Variants in RIMS1 observed in about 807,000 individuals in gnomAD.
RIMS1 encodes regulating synaptic membrane exocytosis protein 1.
A neutral mutation model predicts 214.1 loss-of-function variants in RIMS1; 83 were observed. That is an observed-to-expected ratio of 0.39 (90% CI 0.32 to 0.47). RIMS1 has a LOEUF of 0.47. Among genes scored for constraint, RIMS1 ranks in the 20% least tolerant of loss-of-function variants. The pLI is 0.99. For synonymous variants in RIMS1, 793 were observed against 786.8 expected (o/e 1.01, Z -0.13); for missense variants, 2,050 against 2,161.8 (o/e 0.95, Z 1.03).
intron 2 of RIMS1, among the ~76,000 whole-genome samples, chr6:72,074,075 G>A (rs1282149380): frequency 6.6e-6 from 1 of 152,116 alleles, no homozygotes; most frequent in Non-Finnish European, 1.5e-5. Flanking sequence ...TGCCGAAAGA[G>A]TCCATGACAC....
intron 1 of RIMS1, among the ~76,000 whole-genome samples, chr6:71,942,828 A>G (rs1361563830): frequency 6.6e-6 from 1 of 152,066 alleles, no homozygotes; most frequent in East Asian, 1.9e-4. Context: ...TCCATGGACA[A>G]TTTATCTAAA....
In RIMS1 at chr6:72,291,921, T is replaced by G; in HGVS notation, c.3738-13T>G. 1.3e-6 allele frequency: 2 copies of G among 1,546,936 alleles called. No homozygotes were observed. The highest frequency in any genetic ancestry group is 1.8e-6 in the Non-Finnish European group (2 of 1,142,048). Reference sequence around the variant, plus strand: ...TTTCATTGTTTCATGCCCGCTTTGCTTTTTGCCTGCAGAATGCACCGACAG... The same window carrying G: ...TTTCATTGTTTCATGCCCGCTTTGCGTTTTGCCTGCAGAATGCACCGACAG... On this transcript the variant is annotated splice_polypyrimidine_tract_variant and intron_variant, in intron 25 of 33. Transcript: ENST00000521978.
At chr6:72,154,640 T>A (rs2044203068) in intron 4 of RIMS1, among the ~76,000 whole-genome samples, 1 of 140,516 alleles carries the variant, frequency 7.1e-6, no homozygotes. Context: ...TTTGTGAGAA[T>A]CTAGGAGTTC....
intron 4 of RIMS1, among the ~76,000 whole-genome samples, chr6:72,133,068 G>T (rs2040704525): frequency 6.6e-6 from 1 of 152,080 alleles, no homozygotes. Flanking sequence ...ATCACTTTGA[G>T]AATGCTGTCT....
intron 1 of RIMS1, among the ~76,000 whole-genome samples, chr6:71,947,697 T>C (rs1788294803): frequency 6.6e-6 from 1 of 152,152 alleles, no homozygotes; most frequent in Non-Finnish European, 1.5e-5. Context: ...ATTTTAAATG[T>C]TCTTGCCACA....
chr6:72,269,261 A>G (rs1268876408), intron 22 of RIMS1, among the ~76,000 whole-genome samples: 2 of 151,926 alleles, frequency 1.3e-5, no homozygotes, highest in African/African-American at 2.4e-5. Flanking sequence ...TGTCACTTGA[A>G]TCTCTCTTCC....
At chr6:72,123,082 CT>C (rs772776010) in intron 4 of RIMS1, among the ~76,000 whole-genome samples, 9 of 151,788 alleles carry the variant, frequency 5.9e-5, no homozygotes, top group Non-Finnish European at 1.3e-4. Flanking sequence ...AATTGTAGAT[CT>C]TTCCCGCTTT....
chr6:72,065,904 G>C (rs908525060), intron 2 of RIMS1, among the ~76,000 whole-genome samples: 1 of 133,488 alleles, frequency 7.5e-6, no homozygotes, highest in African/African-American at 2.8e-5. Flanking sequence ...TGTTGAGAGA[G>C]AAACAATAGA....
At chr6:71,895,015 A>G (rs971424132) in intron 1 of RIMS1, among the ~76,000 whole-genome samples, 2 of 152,212 alleles carry the variant, frequency 1.3e-5, no homozygotes, top group Admixed American at 6.5e-5. Flanking sequence ...GTATATTTAC[A>G]TAGAGAAGGT....
intron 4 of RIMS1, among the ~76,000 whole-genome samples, chr6:72,159,270 G>A (rs1024428619): frequency 7.1e-5 from 10 of 139,946 alleles, no homozygotes; most frequent in South Asian, 2.4e-4. Flanking sequence ...GTAAATTTGA[G>A]TTCACTGTAG....
intron 2 of RIMS1, among the ~76,000 whole-genome samples, chr6:72,012,132 A>G (rs1480791931): frequency 3.9e-5 from 6 of 152,238 alleles, no homozygotes; most frequent in Admixed American, 3.3e-4. Context: ...CATATACACC[A>G]TGGAATACTA....
At chr6:72,203,208 C>A (rs889885289) in intron 6 of RIMS1, among the ~76,000 whole-genome samples, 2 of 152,020 alleles carry the variant, frequency 1.3e-5, no homozygotes, top group African/African-American at 4.8e-5. Flanking sequence ...AGGATGGTCT[C>A]GATCTCCTGA....
intron 2 of RIMS1, among the ~76,000 whole-genome samples, chr6:72,004,972 T>A (rs542663689): frequency 1.1e-4 from 16 of 152,154 alleles, no homozygotes; most frequent in African/African-American, 3.6e-4. Context: ...TGGTAATGCC[T>A]AGGTTTTCTT....
At chr6:72,186,653 G>C (rs1248482951) in intron 6 of RIMS1, among the ~76,000 whole-genome samples, 1 of 152,024 alleles carries the variant, frequency 6.6e-6, no homozygotes, top group Non-Finnish European at 1.5e-5. Context: ...TGTATTTAGG[G>C]GGACTGTTTG....
chr6:72,245,391 G>A (rs991491082), intron 10 of RIMS1, among the ~76,000 whole-genome samples: 3 of 151,908 alleles, frequency 2.0e-5, no homozygotes, highest in African/African-American at 7.2e-5. Context: ...TTATTGAGAT[G>A]TTCCCATCCC....
intron 31 of RIMS1, among the ~76,000 whole-genome samples, chr6:72,393,866 G>A (rs1252658985): frequency 6.6e-6 from 1 of 152,036 alleles, no homozygotes; most frequent in Non-Finnish European, 1.5e-5. Flanking sequence ...GAATACAAAA[G>A]CCAGCCAAAC....
chr6:72,177,569 A>G (rs1316298625), intron 4 of RIMS1, among the ~76,000 whole-genome samples: 1 of 152,158 alleles, frequency 6.6e-6, no homozygotes, highest in Admixed American at 6.5e-5. Context: ...ACCTACTTTA[A>G]ATGATGATAA....
intron 29 of RIMS1, among the ~76,000 whole-genome samples, chr6:72,356,349 C>T (rs2097644181): frequency 6.6e-6 from 1 of 151,878 alleles, no homozygotes; most frequent in African/African-American, 2.4e-5. Context: ...AACTCTTCCA[C>T]TGAAAGGCCT....
At chr6:72,319,445 T>C (rs903104667) in intron 28 of RIMS1, among the ~76,000 whole-genome samples, 4 of 152,146 alleles carry the variant, frequency 2.6e-5, no homozygotes, top group African/African-American at 9.7e-5. Flanking sequence ...AAGAATGAAG[T>C]GAGCCTGAAG....
Sources: allele counts gnomAD v4.1 joint callset (sites outside exome capture counted in the v4.1 genomes callset), GRCh38; gene constraint gnomAD v4.1.1; transcripts MANE v1.5; gene names NCBI Gene and HGNC (gene_info 2026-07-23, HGNC 2026-07-21).